PRORP: variants seen among roughly 807,000 people sequenced by gnomAD.
The protein encoded by PRORP is protein only RNase P catalytic subunit, also known as mitochondrial ribonuclease P catalytic subunit.
PRORP carries 51 observed loss-of-function variants against 59.4 expected under a neutral mutation model. That is an observed-to-expected ratio of 0.86 (90% CI 0.69 to 1.08). The LOEUF (loss-of-function observed/expected upper bound fraction) is 1.08, where lower values mean the gene tolerates loss of function less well. PRORP is among the 50% of genes least tolerant of loss of function. The probability of loss-of-function intolerance (pLI) is 0.00; values close to 1 mark genes in which losing one functional copy is unlikely to be tolerated. For synonymous variants in PRORP, 231 were observed against 245.6 expected (o/e 0.94, Z 0.55); for missense variants, 646 against 690.3 (o/e 0.94, Z 0.72).
chr14:35,270,517 A>G lies in PRORP; in HGVS notation c.1541A>G (p.Gln514Arg). 2 of 1,614,162 alleles carry G rather than the reference A, an allele frequency of 1.2e-6. No individual in the cohort carries two copies. Among genetic ancestry groups the G allele is most frequent in the East Asian group, 2.2e-5 (1 of 44,876 alleles). ...HKACLPDAKTQRLFFKWQQGH... is the reference protein window; with the variant it reads ...HKACLPDAKTRRLFFKWQQGH... ...GCCTGTCTGCCTGATGCCAAGACCCAACGCCTGTTTTTTAAGTGGCAGCAG... is the reference window on the plus strand; with the variant it reads ...GCCTGTCTGCCTGATGCCAAGACCCGACGCCTGTTTTTTAAGTGGCAGCAG... Residue 514 changes from glutamine (Q) to arginine (R), a missense_variant, in exon 7 of 8, where the codon CAA becomes CGA. Transcript: ENST00000534898.
chr14:35,180,617 A>G, intron 4 of PRORP, 53 bp from the exon 5 acceptor site: 2 of 1,112,912 alleles, frequency 1.8e-6, no homozygotes, highest in South Asian at 2.6e-5. Flanking sequence ...TGTGTTTATA[A>G]TAAAGTCCTT....
At chr14:35,181,373 A>G (rs79425657) in intron 5 of PRORP, among the ~76,000 whole-genome samples, 1,909 of 152,336 alleles carry the variant, frequency 0.013, 37 homozygotes, top group African/African-American at 0.041. Context: ...TAGTAAATCT[A>G]TAGAAAACAG....
chr14:35,238,467 A>C (rs1398812655), intron 5 of PRORP, among the ~76,000 whole-genome samples: 1 of 152,204 alleles, frequency 6.6e-6, no homozygotes, highest in Non-Finnish European at 1.5e-5. Flanking sequence ...TTAACCTGGC[A>C]ATGTCACAGG....
chr14:35,206,204 G>T (rs535626753), intron 5 of PRORP, among the ~76,000 whole-genome samples: 7 of 152,300 alleles, frequency 4.6e-5, no homozygotes, highest in African/African-American at 1.7e-4. Flanking sequence ...GACGGACATT[G>T]TCCCTTTTGA....
intron 5 of PRORP, among the ~76,000 whole-genome samples, chr14:35,188,961 A>AGGAAAGAAAG (rs59671236): frequency 1.5e-5 from 2 of 132,776 alleles, no homozygotes; most frequent in Non-Finnish European, 3.2e-5. Flanking sequence ...AAAAAAAAAA[A>AGGAAAGAAAG]AAAGTATTGC....
At chr14:35,164,353 C>T (rs1047547875) in intron 4 of PRORP, among the ~76,000 whole-genome samples, 3 of 152,274 alleles carry the variant, frequency 2.0e-5, no homozygotes, top group East Asian at 1.9e-4. Context: ...TGCATTGCTG[C>T]GCTACTCACA....
At chr14:35,157,719 C>T (rs1223801630) in intron 4 of PRORP, among the ~76,000 whole-genome samples, 2 of 152,088 alleles carry the variant, frequency 1.3e-5, no homozygotes, top group African/African-American at 2.4e-5. Flanking sequence ...TACACAACAC[C>T]CTAAACAATT....
At chr14:35,241,594 T>C (rs1052696900) in intron 5 of PRORP, among the ~76,000 whole-genome samples, 13 of 152,316 alleles carry the variant, frequency 8.5e-5, no homozygotes, top group South Asian at 8.3e-4. Flanking sequence ...GAGAATGTTC[T>C]TTCTGAAATG....
At chr14:35,143,281 TCC>T (rs2047524557) in intron 4 of PRORP, among the ~76,000 whole-genome samples, 2 of 143,250 alleles carry the variant, frequency 1.4e-5, no homozygotes. Context: ...TGCCTCAGCC[TCC>T]CCCGAGTAGC....
chr14:35,258,240 CCTCAGCCT>C (rs2050808175), intron 5 of PRORP, among the ~76,000 whole-genome samples: 1 of 152,144 alleles, frequency 6.6e-6, no homozygotes, highest in Non-Finnish European at 1.5e-5. Context: ...GATCCTCCCA[CCTCAGCCT>C]CTCAAAGCAC....
At chr14:35,220,102 A>G (rs1038616801) in intron 5 of PRORP, among the ~76,000 whole-genome samples, 1 of 152,180 alleles carries the variant, frequency 6.6e-6, no homozygotes, top group Non-Finnish European at 1.5e-5. Context: ...CCTTTTCCCA[A>G]ATAAGGTCAC....
intron 5 of PRORP, among the ~76,000 whole-genome samples, chr14:35,190,107 T>TA (rs1199371670): frequency 8.6e-5 from 11 of 127,376 alleles, no homozygotes; most frequent in African/African-American, 1.8e-4. Flanking sequence ...GACTCCGTCT[T>TA]AAAAAAAAAG....
At chr14:35,173,090 A>G (rs748378930) in intron 4 of PRORP, among the ~76,000 whole-genome samples, 7 of 147,108 alleles carry the variant, frequency 4.8e-5, no homozygotes, top group Non-Finnish European at 1.0e-4. Context: ...CTGGTCTTGA[A>G]CTCCTGACAT....
intron 5 of PRORP, among the ~76,000 whole-genome samples, chr14:35,256,989 C>CG (rs1566531503): frequency 6.6e-6 from 1 of 151,356 alleles, no homozygotes; most frequent in African/African-American, 2.4e-5. Context: ...TCTCCTGCCT[C>CG]GGCCTCCCAA....
At chr14:35,205,317 G>T (rs2049263576) in intron 5 of PRORP, among the ~76,000 whole-genome samples, 1 of 152,160 alleles carries the variant, frequency 6.6e-6, no homozygotes, top group African/African-American at 2.4e-5. Context: ...GAGTAGCTGG[G>T]ATTACAGGCT....
chr14:35,252,362 G>A (rs993216676), intron 5 of PRORP, among the ~76,000 whole-genome samples: 5 of 152,218 alleles, frequency 3.3e-5, no homozygotes, highest in African/African-American at 4.8e-5. Flanking sequence ...CGTCAAGGCT[G>A]CAGTGAGCCA....
chr14:35,214,596 T>C (rs924400229), intron 5 of PRORP, among the ~76,000 whole-genome samples: 1 of 152,132 alleles, frequency 6.6e-6, no homozygotes, highest in Non-Finnish European at 1.5e-5. Flanking sequence ...TACATGGGTG[T>C]GGTTCCTGGC....
chr14:35,155,819 A>G (rs1408768008), intron 4 of PRORP, among the ~76,000 whole-genome samples: 2 of 152,018 alleles, frequency 1.3e-5, no homozygotes, highest in Non-Finnish European at 2.9e-5. Flanking sequence ...TTCTTAAAGC[A>G]AATTATACTT....
At chr14:35,204,413 A>G (rs988357871) in intron 5 of PRORP, among the ~76,000 whole-genome samples, 1 of 152,192 alleles carries the variant, frequency 6.6e-6, no homozygotes, top group Non-Finnish European at 1.5e-5. Context: ...TTACTTTATG[A>G]TTTTAATGTA....
Sources: gnomAD v4.1 joint callset for allele counts (sites outside exome capture counted in the v4.1 genomes callset) on GRCh38, gnomAD v4.1.1 for gene constraint, MANE v1.5 for transcripts, NCBI Gene and HGNC (gene_info 2026-07-23, HGNC 2026-07-21) for gene names.